The following KCNIP4 variants were observed in gnomAD, a reference collection of about 807,000 sequenced individuals.
KCNIP4 encodes potassium voltage-gated channel interacting protein 4, also known as Kv channel-interacting protein 4.
Under a neutral mutation model 34.0 loss-of-function variants are expected in KCNIP4, and 12 were observed. That is an observed-to-expected ratio of 0.35 (90% CI 0.23 to 0.57). The LOEUF (loss-of-function observed/expected upper bound fraction) is 0.57, where lower values mean the gene tolerates loss of function less well. KCNIP4 is among the 20% of genes least tolerant of loss of function. KCNIP4 has a pLI of 0.83. For synonymous variants in KCNIP4, 124 were observed against 102.2 expected, an observed-to-expected ratio of 1.21 and a Z score of -1.29; for missense variants, 238 against 311.7, an observed-to-expected ratio of 0.76 and a Z score of 1.78.
chr4:21,240,231 G>T (rs1337170702), intron 1 of KCNIP4, among the ~76,000 whole-genome samples: 3 of 107,858 alleles, frequency 2.8e-5, no homozygotes, highest in Non-Finnish European at 5.4e-5. Context: ...TTGTGGGGTG[G>T]GGGGAGGGGG....
intron 1 of KCNIP4, among the ~76,000 whole-genome samples, chr4:21,745,757 TA>T (rs573894649): frequency 1.3e-5 from 2 of 152,028 alleles, no homozygotes; most frequent in Non-Finnish European, 2.9e-5. Flanking sequence ...TGCTTTATGC[TA>T]AAAAAATAAG....
At chr4:21,344,585 A>T (rs910570514) in intron 1 of KCNIP4, among the ~76,000 whole-genome samples, 3 of 152,164 alleles carry the variant, frequency 2.0e-5, no homozygotes, top group Admixed American at 6.6e-5. Context: ...TCTGAGACAG[A>T]TAGGTATGAT....
chr4:21,200,632 A>G lies in KCNIP4; in HGVS notation c.62-317923T>C, dbSNP rs1756425045. Among the ~76,000 whole-genome samples the G allele has an allele frequency of 2.6e-5, 4 of 151,726 alleles. No individual in the cohort carries two copies. The South Asian group carries it at 8.3e-4, about 31-fold the overall frequency. The stretch of plus-strand genomic sequence containing the variant: ...TGGTATAATGGAAATGGGAGACTCA[A>G]AGAAGAGAGGGAGGGTGAGGGTGGT... On this transcript the variant is annotated intron_variant, in intron 1 of 8. Transcript: ENST00000382152.
intron 1 of KCNIP4, among the ~76,000 whole-genome samples, chr4:21,343,309 T>C (rs1262628349): frequency 6.6e-6 from 1 of 152,070 alleles, no homozygotes; most frequent in African/African-American, 2.4e-5. Flanking sequence ...GCCACAGGTA[T>C]ATTTAGGTAG....
At chr4:21,915,018 G>C (rs1455667767) in intron 1 of KCNIP4, among the ~76,000 whole-genome samples, 1 of 151,944 alleles carries the variant, frequency 6.6e-6, no homozygotes, top group African/African-American at 2.4e-5. Context: ...ATCAAAAGAA[G>C]AAAAAGACAA....
At chr4:21,600,433 G>A (rs1323603541) in intron 1 of KCNIP4, among the ~76,000 whole-genome samples, 1 of 152,002 alleles carries the variant, frequency 6.6e-6, no homozygotes, top group African/African-American at 2.4e-5. Context: ...TTCATATAAT[G>A]TATAAATTGG....
intron 5 of KCNIP4, among the ~76,000 whole-genome samples, chr4:20,737,013 A>G (rs555585108): frequency 6.6e-6 from 1 of 152,336 alleles, no homozygotes; most frequent in South Asian, 2.1e-4. Context: ...TCTGTGGCCA[A>G]TTGATTTTCG....
intron 1 of KCNIP4, among the ~76,000 whole-genome samples, chr4:21,550,455 C>T (rs1738486820): frequency 6.6e-6 from 1 of 152,058 alleles, no homozygotes. Context: ...AATTCATAGC[C>T]TCATCGAAAA....
intron 1 of KCNIP4, among the ~76,000 whole-genome samples, chr4:21,332,475 T>G (rs1204012982): frequency 6.6e-6 from 1 of 151,922 alleles, no homozygotes; most frequent in Non-Finnish European, 1.5e-5. Flanking sequence ...ATTGTAAACA[T>G]TATCTGTTTA....
At chr4:20,957,047 G>C (rs535282590) in intron 1 of KCNIP4, among the ~76,000 whole-genome samples, 1 of 151,568 alleles carries the variant, frequency 6.6e-6, no homozygotes, top group Admixed American at 6.6e-5. Context: ...GAAAAAGAAA[G>C]AATAGAAAAA....
chr4:21,762,119 A>G (rs1257047601), intron 1 of KCNIP4, among the ~76,000 whole-genome samples: 2 of 152,168 alleles, frequency 1.3e-5, no homozygotes. Flanking sequence ...CCACATTTTA[A>G]AAAGTAATAT....
At chr4:20,885,686 T>C (rs1448741206) in intron 1 of KCNIP4, among the ~76,000 whole-genome samples, 2 of 152,198 alleles carry the variant, frequency 1.3e-5, no homozygotes, top group South Asian at 2.1e-4. Flanking sequence ...AATGAACCCA[T>C]TGGACAGGTT....
At chr4:21,040,749 A>C (rs1236053535) in intron 1 of KCNIP4, among the ~76,000 whole-genome samples, 1 of 152,108 alleles carries the variant, frequency 6.6e-6, no homozygotes, top group Admixed American at 6.6e-5. Context: ...GGACTCATGA[A>C]TGGGATCCCA....
chr4:21,024,270 T>G (rs925223500), intron 1 of KCNIP4, among the ~76,000 whole-genome samples: 1 of 152,204 alleles, frequency 6.6e-6, no homozygotes. Context: ...TATCAATCAG[T>G]AGTAGCCACC....
intron 1 of KCNIP4, among the ~76,000 whole-genome samples, chr4:20,900,940 T>C (rs1577338147): frequency 6.6e-6 from 1 of 152,328 alleles, no homozygotes; most frequent in Non-Finnish European, 1.5e-5. Flanking sequence ...ATGGATCCTA[T>C]CTATTCTCTG....
chr4:21,862,952 C>G (rs1323300740), intron 1 of KCNIP4, among the ~76,000 whole-genome samples: 1 of 120,782 alleles, frequency 8.3e-6, no homozygotes, highest in Non-Finnish European at 1.9e-5. Context: ...CCGAGTGAGA[C>G]TCCGTCTCAA....
At chr4:21,495,151 C>T (rs908396835) in intron 1 of KCNIP4, among the ~76,000 whole-genome samples, 1 of 151,230 alleles carries the variant, frequency 6.6e-6, no homozygotes, top group Non-Finnish European at 1.5e-5. Context: ...GAGCTGGTAC[C>T]TTTCACTATT....
At chr4:21,304,659 A>C (rs755552017) in intron 1 of KCNIP4, 1 of 152,250 alleles carries the variant, frequency 6.6e-6, no homozygotes, top group Non-Finnish European at 1.5e-5. Context: ...AGCTGAGTGC[A>C]GATTGCAACG....
chr4:21,836,431 C>A (rs1723323739), intron 1 of KCNIP4, among the ~76,000 whole-genome samples: 1 of 152,020 alleles, frequency 6.6e-6, no homozygotes, highest in Non-Finnish European at 1.5e-5. Flanking sequence ...CGCAGTGATG[C>A]CAAGAGATGT....
Sources: gnomAD v4.1 joint callset for allele counts (sites outside exome capture counted in the v4.1 genomes callset) on GRCh38, gnomAD v4.1.1 for gene constraint, MANE v1.5 for transcripts, NCBI Gene and HGNC (gene_info 2026-07-23, HGNC 2026-07-21) for gene names.